Variants in BICC1 observed in about 807,000 individuals in gnomAD.
BICC1 encodes the protein BicC family RNA binding protein 1.
In BICC1, 43 loss-of-function variants were observed where a neutral mutation model predicts 111.0. The observed-to-expected ratio is 0.39, with a 90% CI of 0.30 to 0.50. The LOEUF (loss-of-function observed/expected upper bound fraction) is 0.50, where lower values mean the gene tolerates loss of function less well. Ranked by LOEUF, BICC1 falls within the 20% of genes least tolerant of loss-of-function variation. The probability of loss-of-function intolerance (pLI) is 0.88; values close to 1 mark genes in which losing one functional copy is unlikely to be tolerated. For missense variants in BICC1, 1,091 were observed against 1,203.2 expected (o/e 0.91, Z 1.38); for synonymous variants, 467 against 434.4 (o/e 1.07, Z -0.93).
chr10:58,707,020 A>T (rs2132468021), intron 3 of BICC1, among the ~76,000 whole-genome samples: 1 of 152,330 alleles, frequency 6.6e-6, no homozygotes, highest in South Asian at 2.1e-4. Context: ...TTGCATGATG[A>T]CTTAGGAAAC....
At chr10:58,604,005 T>C (rs942429835) in intron 1 of BICC1, among the ~76,000 whole-genome samples, 5 of 152,228 alleles carry the variant, frequency 3.3e-5, no homozygotes, top group African/African-American at 1.2e-4. Context: ...TTCTGTTATG[T>C]GCAAGGGGGT....
intron 3 of BICC1, among the ~76,000 whole-genome samples, chr10:58,750,308 A>G (rs1411113246): frequency 6.6e-6 from 1 of 152,178 alleles, no homozygotes; most frequent in Non-Finnish European, 1.5e-5. Context: ...TTCAATCACC[A>G]GCCATAGACA....
chr10:58,753,403 A>G (rs368213539), intron 3 of BICC1, among the ~76,000 whole-genome samples: 1 of 152,132 alleles, frequency 6.6e-6, no homozygotes, highest in South Asian at 2.1e-4. Flanking sequence ...TCCAGGGCTC[A>G]AGTGATCCTC....
At chr10:58,647,876 G>GTGAC (rs1297965407) in intron 2 of BICC1, among the ~76,000 whole-genome samples, 1 of 152,100 alleles carries the variant, frequency 6.6e-6, no homozygotes, top group Non-Finnish European at 1.5e-5. Flanking sequence ...GTGTTTAGCT[G>GTGAC]TGACCAGAAT....
At chr10:58,808,610 C>A (rs1843790118) in intron 17 of BICC1, among the ~76,000 whole-genome samples, 1 of 152,062 alleles carries the variant, frequency 6.6e-6, no homozygotes, top group Non-Finnish European at 1.5e-5. Context: ...TGAGGGACTT[C>A]ACTCATCTGA....
chr10:58,729,307 G>T (rs1841212801), intron 3 of BICC1, among the ~76,000 whole-genome samples: 1 of 152,200 alleles, frequency 6.6e-6, no homozygotes, highest in Non-Finnish European at 1.5e-5. Context: ...ATCAGCACTT[G>T]CTGCTTCACC....
chr10:58,711,695 T>C (rs540470105), intron 3 of BICC1, among the ~76,000 whole-genome samples: 1 of 152,326 alleles, frequency 6.6e-6, no homozygotes, highest in Non-Finnish European at 1.5e-5. Flanking sequence ...AGCTGTTCTT[T>C]CCAATCTTTT....
intron 3 of BICC1, among the ~76,000 whole-genome samples, chr10:58,756,235 C>G (rs1842140542): frequency 1.3e-5 from 2 of 151,550 alleles, no homozygotes; most frequent in African/African-American, 4.8e-5. Flanking sequence ...TCCCAGCCAA[C>G]CAGCTGGAAA....
At chr10:58,611,262 C>A (rs1845409040) in intron 1 of BICC1, among the ~76,000 whole-genome samples, 2 of 152,016 alleles carry the variant, frequency 1.3e-5, no homozygotes, top group African/African-American at 4.8e-5. Context: ...CTGAAAAATA[C>A]AAAGAAAAAA....
chr10:58,828,698 A>G (rs1844468159), intron 20 of BICC1, 63 bp from the exon 21 acceptor site: 15 of 1,534,322 alleles, frequency 9.8e-6, no homozygotes, highest in East Asian at 2.3e-5. Flanking sequence ...CTCTAGTGCC[A>G]TGTCCTGTAG....
At position 58,538,094 on chromosome 10, in the gene BICC1, C is replaced by A. The variant is rs114686001; in HGVS notation, c.190+24761C>A. Reference sequence around the variant, plus strand: ...TAATTCCTATCAAAATAACCAACATCGTTTTTTCAGATAATTAGAAAAAAA... The same window carrying A: ...TAATTCCTATCAAAATAACCAACATAGTTTTTTCAGATAATTAGAAAAAAA... On this transcript the variant is annotated intron_variant, in intron 1 of 20. Transcript: ENST00000373886. 6.5e-4 allele frequency among the ~76,000 whole-genome samples: 99 copies of A among 151,712 alleles called. 1 individual carries two copies. In the South Asian group the frequency reaches 9.4e-3, roughly 14 times the overall value.
intron 2 of BICC1, among the ~76,000 whole-genome samples, chr10:58,675,872 C>G (rs74664152): frequency 2.0e-5 from 3 of 152,236 alleles, no homozygotes; most frequent in Admixed American, 6.5e-5. Flanking sequence ...TAGTTCTGGT[C>G]TGCAGCTCCC....
At chr10:58,734,480 T>C (rs1177175804) in intron 3 of BICC1, among the ~76,000 whole-genome samples, 1 of 152,260 alleles carries the variant, frequency 6.6e-6, no homozygotes, top group Non-Finnish European at 1.5e-5. Context: ...CTCTGCTTAC[T>C]GCGTATGTGA....
At chr10:58,604,235 G>A (rs1329570253) in intron 1 of BICC1, among the ~76,000 whole-genome samples, 1 of 152,150 alleles carries the variant, frequency 6.6e-6, no homozygotes, top group Non-Finnish European at 1.5e-5. Flanking sequence ...TAGAACTCCT[G>A]AGACTTGCTA....
At chr10:58,753,614 G>A (rs1475233375) in intron 3 of BICC1, among the ~76,000 whole-genome samples, 1 of 152,010 alleles carries the variant, frequency 6.6e-6, no homozygotes, top group Non-Finnish European at 1.5e-5. Context: ...GGCTTATGAT[G>A]CCACTTCTCT....
At chr10:58,783,959 C>A (rs1245867045) in intron 3 of BICC1, among the ~76,000 whole-genome samples, 1 of 152,082 alleles carries the variant, frequency 6.6e-6, no homozygotes, top group African/African-American at 2.4e-5. Context: ...AGGCTAGTCC[C>A]CACCCTGAGG....
intron 1 of BICC1, among the ~76,000 whole-genome samples, chr10:58,604,625 C>T (rs1172087394): frequency 6.6e-6 from 1 of 152,180 alleles, no homozygotes; most frequent in Non-Finnish European, 1.5e-5. Context: ...CACGCCGCTG[C>T]ACTCCAGCCT....
At chr10:58,747,713 A>G (rs1841874359) in intron 3 of BICC1, among the ~76,000 whole-genome samples, 1 of 152,122 alleles carries the variant, frequency 6.6e-6, no homozygotes, top group Non-Finnish European at 1.5e-5. Flanking sequence ...AAAAATGGCT[A>G]TTTGAAACCC....
At chr10:58,733,916 G>C (rs1160911990) in intron 3 of BICC1, among the ~76,000 whole-genome samples, 2 of 152,146 alleles carry the variant, frequency 1.3e-5, no homozygotes. Flanking sequence ...TGAAATTATG[G>C]GCAAGTTATT....
Sources: allele counts gnomAD v4.1 joint callset (sites outside exome capture counted in the v4.1 genomes callset), GRCh38; gene constraint gnomAD v4.1.1; transcripts MANE v1.5; gene names NCBI Gene and HGNC (gene_info 2026-07-23, HGNC 2026-07-21).